The following FAM193A variants were observed in gnomAD, a reference collection of about 807,000 sequenced individuals.
FAM193A encodes the protein protein FAM193A.
In FAM193A, 22 loss-of-function variants were observed where a neutral mutation model predicts 126.5. The ratio of observed to expected loss-of-function variants is 0.17; its 90% CI spans 0.12 to 0.25. FAM193A has a LOEUF of 0.25. Among genes scored for constraint, FAM193A ranks in the 10% least tolerant of loss-of-function variants. FAM193A has a pLI of 1.00. For synonymous variants in FAM193A, 761 were observed against 646.8 expected (o/e 1.18, Z -2.68); for missense variants, 1,675 against 1,672.8 (o/e 1.00, Z -0.02).
chr4:2,590,170 A>G (rs1299088620), intron 1 of FAM193A, among the ~76,000 whole-genome samples: 1 of 148,096 alleles, frequency 6.8e-6, no homozygotes, highest in African/African-American at 2.5e-5. Flanking sequence ...AAAGGATCAT[A>G]TATAAAAATG....
chr4:2,631,837 T>A (rs1743621925), intron 5 of FAM193A, among the ~76,000 whole-genome samples: 1 of 152,128 alleles, frequency 6.6e-6, no homozygotes, highest in African/African-American at 2.4e-5. Context: ...TAGGCTGCGG[T>A]CAATCCTCAA....
intron 2 of FAM193A, among the ~76,000 whole-genome samples, chr4:2,623,295 G>A (rs1029338376): frequency 1.1e-4 from 16 of 152,114 alleles, no homozygotes; most frequent in Non-Finnish European, 7.4e-5. Flanking sequence ...TCAGCCTCCC[G>A]AGTAGCTGGG....
chr4:2,630,365 C>T (rs1215323834), intron 4 of FAM193A, among the ~76,000 whole-genome samples: 2 of 151,772 alleles, frequency 1.3e-5, no homozygotes, highest in South Asian at 2.1e-4. Context: ...AAAGTTTCCT[C>T]TTTTGATAAG....
chr4:2,697,851 G>T (rs1353281555), intron 18 of FAM193A, among the ~76,000 whole-genome samples: 1 of 152,178 alleles, frequency 6.6e-6, no homozygotes, highest in Admixed American at 6.5e-5. Context: ...CAGCATCGGG[G>T]TACCCACGAT....
rs529286380 is a variant in FAM193A at position 2,587,193 on chromosome 4, A to G, written c.256-8891A>G. Among the ~76,000 whole-genome samples the G allele has an allele frequency of 7.9e-5, 12 of 152,304 alleles. No homozygotes were observed. The East Asian group carries it at 2.3e-3, about 29-fold the overall frequency. On this transcript the variant is annotated intron_variant, in intron 1 of 20. Transcript: ENST00000637812. ...CTGGTGAGAGCCTCAGGTTTTTTCC[A>G]CTTACGGCACAAGGTGAAGAGGACC...
At chr4:2,575,577 C>T (rs1739539221) in intron 1 of FAM193A, among the ~76,000 whole-genome samples, 1 of 150,974 alleles carries the variant, frequency 6.6e-6, no homozygotes, top group South Asian at 2.1e-4. Flanking sequence ...AGTGATTCTC[C>T]TGCCTTAGCC....
chr4:2,541,898 T>G (rs1051556251), intron 1 of FAM193A, among the ~76,000 whole-genome samples: 1 of 152,044 alleles, frequency 6.6e-6, no homozygotes, highest in Non-Finnish European at 1.5e-5. Flanking sequence ...TGGCGCCATC[T>G]CGGCTCACTG....
chr4:2,644,989 T>C (rs566769439), intron 6 of FAM193A, among the ~76,000 whole-genome samples: 17 of 152,160 alleles, frequency 1.1e-4, no homozygotes, highest in Admixed American at 4.6e-4. Flanking sequence ...TTAGTTACCA[T>C]GAGCATATTT....
intron 6 of FAM193A, among the ~76,000 whole-genome samples, chr4:2,641,396 C>CGAGA (rs967254493): frequency 1.3e-5 from 2 of 152,008 alleles, no homozygotes; most frequent in Non-Finnish European, 2.9e-5. Flanking sequence ...CGGTGGCTCA[C>CGAGA]ACCTGTAATC....
chr4:2,583,032 G>A (rs1396044309), intron 1 of FAM193A, among the ~76,000 whole-genome samples: 3 of 152,112 alleles, frequency 2.0e-5, no homozygotes, highest in Non-Finnish European at 2.9e-5. Flanking sequence ...GCAGTGGCAC[G>A]ATCTCAGCTC....
intron 6 of FAM193A, among the ~76,000 whole-genome samples, chr4:2,644,351 C>A (rs939215742): frequency 6.6e-6 from 1 of 152,104 alleles, no homozygotes; most frequent in African/African-American, 2.4e-5. Context: ...TCCCAACGTT[C>A]CAGGTGGAGC....
chr4:2,702,786 A>G (rs1717885250), intron 19 of FAM193A, among the ~76,000 whole-genome samples: 1 of 152,210 alleles, frequency 6.6e-6, no homozygotes, highest in Admixed American at 6.5e-5. Flanking sequence ...AACTCCGGGC[A>G]TGCTTTCGGT....
intron 2 of FAM193A, among the ~76,000 whole-genome samples, chr4:2,614,746 C>A (rs1247156469): frequency 6.6e-6 from 1 of 152,130 alleles, no homozygotes; most frequent in Non-Finnish European, 1.5e-5. Context: ...TCTGAAGTTG[C>A]CTTATTGGGA....
At chr4:2,614,720 A>G (rs1295215891) in intron 2 of FAM193A, among the ~76,000 whole-genome samples, 2 of 152,240 alleles carry the variant, frequency 1.3e-5, no homozygotes, top group Non-Finnish European at 2.9e-5. Context: ...AGAATTCACC[A>G]GTAAAGCTGT....
chr4:2,710,395 C>G (rs11726971), intron 19 of FAM193A, among the ~76,000 whole-genome samples: 74,663 of 151,726 alleles, frequency 0.49, 18,849 homozygotes, highest in Admixed American at 0.61. Context: ...GGATGGTCTC[C>G]ATCTCCTGAC....
At chr4:2,727,216 G>A (rs539662326) in intron 20 of FAM193A, among the ~76,000 whole-genome samples, 62 of 151,858 alleles carry the variant, frequency 4.1e-4, no homozygotes, top group African/African-American at 6.3e-4. Context: ...CCGAGATCGC[G>A]TCACTGCACT....
intron 1 of FAM193A, among the ~76,000 whole-genome samples, chr4:2,540,357 A>G (rs1165356828): frequency 6.6e-6 from 1 of 152,118 alleles, no homozygotes. Flanking sequence ...AGTCCCAGCT[A>G]CTCCGGAGGC....
intron 1 of FAM193A, among the ~76,000 whole-genome samples, chr4:2,569,367 A>T (rs1322982617): frequency 1.3e-5 from 2 of 152,218 alleles, no homozygotes; most frequent in Non-Finnish European, 2.9e-5. Flanking sequence ...TAACCTTCCA[A>T]AAATTGGATT....
At chr4:2,628,822 C>T (rs1299554486) in intron 4 of FAM193A, among the ~76,000 whole-genome samples, 1 of 151,792 alleles carries the variant, frequency 6.6e-6, no homozygotes, top group South Asian at 2.1e-4. Context: ...GAATGAGCTT[C>T]CTAGCTTCTT....
Sources: allele counts gnomAD v4.1 joint callset (sites outside exome capture counted in the v4.1 genomes callset), GRCh38; gene constraint gnomAD v4.1.1; transcripts MANE v1.5; gene names NCBI Gene and HGNC (gene_info 2026-07-23, HGNC 2026-07-21).